Variants in PLCG2 observed in about 807,000 individuals in gnomAD.
PLCG2 encodes the protein 1-phosphatidylinositol 4,5-bisphosphate phosphodiesterase gamma-2.
In PLCG2, 69 loss-of-function variants were observed where a neutral mutation model predicts 175.6. The ratio of observed to expected loss-of-function variants is 0.39; its 90% CI spans 0.32 to 0.48. The LOEUF is 0.48. Ranked by LOEUF, PLCG2 falls within the 20% of genes least tolerant of loss-of-function variation. The pLI is 0.91. For missense variants in PLCG2, 1,798 were observed against 1,650.9 expected, an observed-to-expected ratio of 1.09 and a Z score of -1.54; for synonymous variants, 827 against 624.0, an observed-to-expected ratio of 1.33 and a Z score of -4.85.
chr16:81,946,718 A>T (rs1911164447), intron 31 of PLCG2, among the ~76,000 whole-genome samples: 1 of 152,200 alleles, frequency 6.6e-6, no homozygotes, highest in Non-Finnish European at 1.5e-5. Flanking sequence ...TTTACAAATA[A>T]GGCGATCATG....
chr16:81,816,561 C>CT (rs1904557056), intron 2 of PLCG2, among the ~76,000 whole-genome samples: 1 of 150,764 alleles, frequency 6.6e-6, no homozygotes. Flanking sequence ...CAACTACTGC[C>CT]TTGACCTCCT....
chr16:81,956,643 G>T, intron 31 of PLCG2, 52 bp from the exon 32 acceptor site: 2 of 1,512,632 alleles, frequency 1.3e-6, no homozygotes, highest in South Asian at 1.2e-5. Context: ...TTCACATTTT[G>T]GTTTGGAAGG....
At chr16:81,920,153 G>T (rs72824913) in intron 20 of PLCG2, among the ~76,000 whole-genome samples, 4,605 of 152,220 alleles carry the variant, frequency 0.03, 86 homozygotes, top group South Asian at 0.041. Flanking sequence ...AAGGATGAGG[G>T]TTCACAGGTG....
intron 2 of PLCG2, among the ~76,000 whole-genome samples, chr16:81,767,137 T>C (rs4396527): frequency 5.2e-5 from 1 of 19,366 alleles, no homozygotes; most frequent in African/African-American, 2.2e-4. Flanking sequence ...AAACTCGTGG[T>C]TTTTTTTTTT....
At position 81,820,290 on chromosome 16, in the gene PLCG2, C is replaced by T. The variant is rs192473478; in HGVS notation, c.193+34108C>T. Reference sequence around the variant, plus strand: ...CATCGCAGGAGAGAGGGTTCCCTCACTTCCCTCTGCAGTCTGCAGCCCCCC... The same window carrying T: ...CATCGCAGGAGAGAGGGTTCCCTCATTTCCCTCTGCAGTCTGCAGCCCCCC... On this transcript the variant is annotated intron_variant, in intron 2 of 32. Coordinates refer to ENST00000564138, the MANE Select transcript of PLCG2 (RefSeq NM_002661.5). 1.3e-3 allele frequency among the ~76,000 whole-genome samples: 205 copies of T among 152,336 alleles called. 2 individuals are homozygous for T. Among genetic ancestry groups the T allele is most frequent in the African/African-American group, 4.8e-3 (199 of 41,584 alleles).
intron 31 of PLCG2, among the ~76,000 whole-genome samples, chr16:81,954,516 A>C (rs1206098235): frequency 6.6e-6 from 1 of 152,112 alleles, no homozygotes. Context: ...CCAACTAGCC[A>C]TGGTGTGTGT....
intron 7 of PLCG2, among the ~76,000 whole-genome samples, chr16:81,871,592 C>T (rs1472337167): frequency 6.6e-6 from 1 of 152,210 alleles, no homozygotes; most frequent in African/African-American, 2.4e-5. Flanking sequence ...CCCGCCTCCA[C>T]TTCCTAAAGT....
intron 7 of PLCG2, among the ~76,000 whole-genome samples, chr16:81,878,033 G>C (rs1388363434): frequency 7.7e-6 from 1 of 130,120 alleles, no homozygotes; most frequent in Non-Finnish European, 1.5e-5. Flanking sequence ...CCAGGCTGGA[G>C]TGTAGTGGCG....
upstream of PLCG2, among the ~76,000 whole-genome samples, chr16:81,778,039 A>C (rs1318997696): frequency 4.9e-4 from 39 of 80,404 alleles, no homozygotes; most frequent in African/African-American, 1.6e-3. Context: ...AAACAAAAAA[A>C]AAACAAAAAA....
At chr16:81,836,653 A>G (rs780902049) in intron 2 of PLCG2, among the ~76,000 whole-genome samples, 1 of 152,194 alleles carries the variant, frequency 6.6e-6, no homozygotes, top group Non-Finnish European at 1.5e-5. Context: ...AGGCAGGAGA[A>G]TCGCTTGAAC....
At chr16:81,940,624 T>C (rs1256571816) in intron 30 of PLCG2, among the ~76,000 whole-genome samples, 1 of 152,210 alleles carries the variant, frequency 6.6e-6, no homozygotes, top group Non-Finnish European at 1.5e-5. Flanking sequence ...GGTCATTTTG[T>C]ATTTTTCTGC....
intron 1 of PLCG2, among the ~76,000 whole-genome samples, chr16:81,780,950 C>T (rs1398219772): frequency 6.6e-6 from 1 of 152,132 alleles, no homozygotes; most frequent in African/African-American, 2.4e-5. Flanking sequence ...TCACTTGAAC[C>T]CAGGAGGTGG....
rs115778978 is a variant in PLCG2, at chr16:81,933,957, C to T, written c.2740-472C>T. On this transcript the variant is annotated intron_variant, in intron 25 of 32. Coordinates refer to ENST00000564138, the MANE Select transcript of PLCG2 (RefSeq NM_002661.5). ...GGTAGTGGTCCCCTTGGACAGAGCC[C>T]TGATGGGCAGTCAGAGCTGGGGAGC... 4.3e-3 allele frequency among the ~76,000 whole-genome samples: 657 copies of T among 152,310 alleles called. 5 individuals carry two copies. Among genetic ancestry groups the T allele is most frequent in the African/African-American group, 0.015 (635 of 41,558 alleles).
At position 81,961,617 on chromosome 16, in the gene PLCG2, TG is replaced by T. The variant is rs1212224389; in HGVS notation, c.*3623del. On this transcript the variant is annotated 3_prime_UTR_variant, in exon 33 of 33. Coordinates refer to ENST00000564138, the MANE Select transcript of PLCG2 (RefSeq NM_002661.5). The stretch of plus-strand genomic sequence containing the variant: ...CAAATTCAAGGAGTAAAAGGAAAAG[TG>T]GGGCATTCCTTGCTACTAAAAATTG... 1 of 216,374 alleles carries T rather than the reference TG, an allele frequency of 4.6e-6. No individual in the cohort carries two copies. The highest frequency in any genetic ancestry group is 9.3e-6 in the Non-Finnish European group (1 of 107,696). The allele number at this position is 216,374 out of a possible 1,614,324, so 13.4% of individuals were successfully genotyped here. A position where few individuals can be genotyped will look rare whatever the true frequency, so the allele number is the denominator to read the frequency against.
At chr16:81,819,445 C>T (rs943082292) in intron 2 of PLCG2, among the ~76,000 whole-genome samples, 3 of 152,174 alleles carry the variant, frequency 2.0e-5, no homozygotes, top group Non-Finnish European at 4.4e-5. Context: ...TGGCTTGGGG[C>T]ACCCAGGAAG....
chr16:81,835,908 C>G (rs970065999), intron 2 of PLCG2, among the ~76,000 whole-genome samples: 1 of 152,014 alleles, frequency 6.6e-6, no homozygotes, highest in Admixed American at 6.6e-5. Flanking sequence ...GTGTCTCTGT[C>G]CAAATTTCCC....
chr16:81,895,979 G>A, intron 13 of PLCG2, 52 bp downstream of exon 13: 1 of 1,609,514 alleles, frequency 6.2e-7, no homozygotes, highest in Non-Finnish European at 8.5e-7. Context: ...GGCAGCTAGG[G>A]TTGGATAGAC....
At chr16:81,893,166 A>G (rs1249900388) in intron 11 of PLCG2, among the ~76,000 whole-genome samples, 1 of 152,152 alleles carries the variant, frequency 6.6e-6, no homozygotes, top group African/African-American at 2.4e-5. Context: ...GCCTCGGAAC[A>G]CAAATTTTAA....
intron 8 of PLCG2, among the ~76,000 whole-genome samples, chr16:81,882,937 C>A (rs1172748928): frequency 6.6e-6 from 1 of 152,158 alleles, no homozygotes; most frequent in Non-Finnish European, 1.5e-5. Context: ...ACACTGTATC[C>A]CATATGCCTG....
Sources: gnomAD v4.1 joint callset for allele counts (sites outside exome capture counted in the v4.1 genomes callset) on GRCh38, gnomAD v4.1.1 for gene constraint, MANE v1.5 for transcripts, NCBI Gene and HGNC (gene_info 2026-07-23, HGNC 2026-07-21) for gene names.